The following CELF2 variants were observed in gnomAD, a reference collection of about 807,000 sequenced individuals.
CELF2 encodes the protein CUGBP Elav-like family member 2.
CELF2 carries 8 observed loss-of-function variants against 62.6 expected under a neutral mutation model. The observed-to-expected ratio is 0.13, with a 90% CI of 0.07 to 0.23. CELF2 has a LOEUF of 0.23. Among genes scored for constraint, CELF2 ranks in the 10% least tolerant of loss-of-function variants. The probability of loss-of-function intolerance (pLI) is 1.00; values close to 1 mark genes in which losing one functional copy is unlikely to be tolerated. For missense variants in CELF2, 333 were observed against 671.0 expected (o/e 0.50, Z 5.56); for synonymous variants, 258 against 250.0 (o/e 1.03, Z -0.30).
chr10:11,033,014 A>G (rs1454227339), intron 1 of CELF2, among the ~76,000 whole-genome samples: 1 of 152,202 alleles, frequency 6.6e-6, no homozygotes, highest in Admixed American at 6.5e-5. Flanking sequence ...CATGGAGTTA[A>G]AATAACTTTG....
At chr10:10,988,296 G>C (rs2399627) in intron 2 of CELF2, among the ~76,000 whole-genome samples, 4 of 142,232 alleles carry the variant, frequency 2.8e-5, no homozygotes, top group Admixed American at 2.8e-4. Flanking sequence ...TATATATATA[G>C]AGAGAGAGAG....
chr10:11,182,995 A>G (rs1270695850), intron 2 of CELF2, among the ~76,000 whole-genome samples: 3 of 152,210 alleles, frequency 2.0e-5, no homozygotes, highest in Non-Finnish European at 4.4e-5. Context: ...ATATGCGGCA[A>G]ACTTCACGTA....
Position 11,165,781 on chromosome 10 carries a change from G to A in CELF2, c.271+99G>A. The A allele has an allele frequency of 3.4e-6, 4 of 1,179,874 alleles. No homozygotes were observed. Among genetic ancestry groups the A allele is most frequent in the Non-Finnish European group, 4.7e-6 (4 of 856,154 alleles). 73.1% of individuals were successfully genotyped at this position (1,179,874 alleles called of 1,614,324 possible). ...AGCCTGCAGGAGGAAGGGCGGGTAGGCAGGAGGGCTGGAAGCAGCCGGTGC... is the reference window on the plus strand; with the variant it reads ...AGCCTGCAGGAGGAAGGGCGGGTAGACAGGAGGGCTGGAAGCAGCCGGTGC... On this transcript the variant is annotated intron_variant, in intron 2 of 12. Coordinates refer to ENST00000633077, the MANE Select transcript of CELF2 (RefSeq NM_001326342.2). This position sits in a 1 kb window ranked among gnomAD's most constrained non-coding sequence, Gnocchi z 7.4.
intron 1 of CELF2, among the ~76,000 whole-genome samples, chr10:10,910,600 C>T (rs748706099): frequency 1.1e-4 from 16 of 146,162 alleles, no homozygotes; most frequent in African/African-American, 2.3e-4. Context: ...CCTGGGAGGC[C>T]GAGGCAAGAG....
At chr10:10,637,287 G>A in the CELF2 span, among the ~76,000 whole-genome samples, 1 of 152,092 alleles carries the variant, frequency 6.6e-6, no homozygotes, top group Non-Finnish European at 1.5e-5. Context: ...CAGACTCCCA[G>A]GAACAGAGAC....
chr10:10,661,455 A>C, the CELF2 span, among the ~76,000 whole-genome samples: 1 of 152,344 alleles, frequency 6.6e-6, no homozygotes, highest in Admixed American at 6.5e-5. Flanking sequence ...GCTTGTATGA[A>C]TAAAGGTGCT....
At chr10:11,062,156 A>G (rs548304594) in intron 1 of CELF2, among the ~76,000 whole-genome samples, 7 of 125,794 alleles carry the variant, frequency 5.6e-5, no homozygotes, top group Admixed American at 7.9e-5. Flanking sequence ...CAGGGGGGGA[A>G]AAAAAAATTC....
intron 1 of CELF2, among the ~76,000 whole-genome samples, 185 bp downstream of exon 1, chr10:11,018,348 C>T (rs1378377722): frequency 6.6e-6 from 1 of 151,592 alleles, no homozygotes; most frequent in Non-Finnish European, 1.5e-5. Flanking sequence ...GGACGAGCAG[C>T]GCCGGCGGTG....
At chr10:10,930,019 C>A (rs936277331) in intron 2 of CELF2, among the ~76,000 whole-genome samples, 5 of 152,208 alleles carry the variant, frequency 3.3e-5, no homozygotes, top group Non-Finnish European at 7.3e-5. Flanking sequence ...GCAGCTCCAT[C>A]GCAAATGTGG....
chr10:10,882,103 G>A (rs1338366259), intron 1 of CELF2, among the ~76,000 whole-genome samples: 2 of 152,154 alleles, frequency 1.3e-5, no homozygotes, highest in African/African-American at 2.4e-5. Flanking sequence ...TTATTTGGCT[G>A]GTTTCCCCAT....
At chr10:11,160,081 T>C (rs2065354379) in intron 1 of CELF2, among the ~76,000 whole-genome samples, 1 of 152,230 alleles carries the variant, frequency 6.6e-6, no homozygotes, top group African/African-American at 2.4e-5. Context: ...AGGGACTGAA[T>C]TGGACACAGG....
chr10:10,726,591 T>C, the CELF2 span, among the ~76,000 whole-genome samples: 5 of 152,204 alleles, frequency 3.3e-5, no homozygotes, highest in African/African-American at 1.2e-4. Flanking sequence ...TTGGCTGCAC[T>C]GAACAGGAGG....
intron 1 of CELF2, among the ~76,000 whole-genome samples, chr10:11,058,070 G>GAA (rs34621194): frequency 1.6e-3 from 209 of 126,726 alleles, no homozygotes; most frequent in Middle Eastern, 4.0e-3. Context: ...ATCTGAAGAG[G>GAA]AAAAAAAAAA....
intron 8 of CELF2, among the ~76,000 whole-genome samples, chr10:11,281,593 T>G (rs1034592232): frequency 1.3e-5 from 2 of 152,080 alleles, no homozygotes; most frequent in Non-Finnish European, 2.9e-5. Context: ...AAAACCCCTT[T>G]CCTACAAAAG....
the CELF2 span, among the ~76,000 whole-genome samples, chr10:10,711,213 GAT>G: frequency 6.6e-6 from 1 of 152,158 alleles, no homozygotes; most frequent in Non-Finnish European, 1.5e-5. Context: ...ACGCCTAAAA[GAT>G]AGCCAATCAT....
At position 10,938,335 on chromosome 10, in the gene CELF2, C is replaced by G. The variant is rs1255939210; in HGVS notation, c.89+18336C>G. Among the ~76,000 whole-genome samples the G allele has an allele frequency of 6.6e-6, 1 of 152,076 alleles. No individual in the cohort carries two copies. Among genetic ancestry groups the G allele is most frequent in the Non-Finnish European group, 1.5e-5 (1 of 68,018 alleles). ...TGAACAGAGCAGCCAGTCCAAAGAC[C>G]CAAATACCAAAGGATTATCTTTAAA... On this transcript the variant is annotated intron_variant, in intron 2 of 13. Transcript: ENST00000636488. This position sits in a 1 kb window ranked among gnomAD's most constrained non-coding sequence, Gnocchi z 4.2.
chr10:11,136,534 G>C (rs1044792349), intron 1 of CELF2, among the ~76,000 whole-genome samples: 1 of 152,170 alleles, frequency 6.6e-6, no homozygotes, highest in Non-Finnish European at 1.5e-5. Context: ...AACCTGGGAG[G>C]CGGAGGTTGC....
chr10:10,812,132 T>G (rs559434824), intron 1 of CELF2, among the ~76,000 whole-genome samples: 1 of 152,214 alleles, frequency 6.6e-6, no homozygotes, highest in African/African-American at 2.4e-5. Context: ...GTGGGTGAGT[T>G]ATAAAGAAAA....
At position 11,255,391 on chromosome 10, in the gene CELF2, G is replaced by A. The variant is rs2653515; in HGVS notation, c.404-2347G>A. On this transcript the variant is annotated intron_variant, in intron 4 of 12. Transcript: ENST00000633077. The surrounding 1 kb of genome is among the most constrained non-coding windows in gnomAD (Gnocchi z 5.5). ...AGATGGGGCGTGCCATCCTGAGGTC[G>A]GGCTGCTTTCCGCCATCCACCCAAG... Among the ~76,000 whole-genome samples, 3,910 of 152,136 alleles carry A rather than the reference G, an allele frequency of 0.026. 176 individuals carry two copies. The highest frequency in any genetic ancestry group is 0.085 in the African/African-American group (3,518 of 41,490).
Sources: allele counts gnomAD v4.1 joint callset (sites outside exome capture counted in the v4.1 genomes callset), GRCh38; gene constraint gnomAD v4.1.1; non-coding constraint Gnocchi (gnomAD v3.1); transcripts MANE v1.5; gene names NCBI Gene and HGNC (gene_info 2026-07-23, HGNC 2026-07-21).